The following SGCG variants were observed in gnomAD, a reference collection of about 807,000 sequenced individuals.
SGCG encodes the protein sarcoglycan gamma, also known as gamma-sarcoglycan.
SGCG carries 26 observed loss-of-function variants against 29.3 expected under a neutral mutation model. The ratio of observed to expected loss-of-function variants is 0.89; its 90% confidence interval spans 0.65 to 1.23. The LOEUF (loss-of-function observed/expected upper bound fraction) is 1.23, where lower values mean the gene tolerates loss of function less well. Among genes scored for constraint, SGCG ranks in the 50% most tolerant of loss-of-function variants. The probability of loss-of-function intolerance (pLI) is 0.00; values close to 1 mark genes in which losing one functional copy is unlikely to be tolerated. For synonymous variants in SGCG, 145 were observed against 129.7 expected (o/e 1.12, Z -0.80); for missense variants, 353 against 356.0 (o/e 0.99, Z 0.07).
intron 6 of SGCG, among the ~76,000 whole-genome samples, chr13:23,316,290 A>G (rs750639512): frequency 1.3e-5 from 2 of 152,238 alleles, no homozygotes; most frequent in East Asian, 1.9e-4. Context: ...CCTGCATGCA[A>G]TGTTTCTGCC....
intron 3 of SGCG, among the ~76,000 whole-genome samples, chr13:23,235,926 C>G (rs1879290716): frequency 6.6e-6 from 1 of 152,206 alleles, no homozygotes. Flanking sequence ...TCGCCAAGCT[C>G]TGTTACCAAT....
intron 5 of SGCG, among the ~76,000 whole-genome samples, chr13:23,294,408 G>T (rs539626574): frequency 1.1e-4 from 16 of 152,236 alleles, no homozygotes; most frequent in Admixed American, 1.0e-3. Context: ...GTTTATTCCT[G>T]GACACTCAGC....
intron 1 of SGCG, among the ~76,000 whole-genome samples, chr13:23,193,852 C>A (rs1430285175): frequency 6.6e-6 from 1 of 151,616 alleles, no homozygotes; most frequent in Non-Finnish European, 1.5e-5. Context: ...AGAGATGGTC[C>A]CAGAACAGTT....
chr13:23,171,140 T>A, the SGCG span, among the ~76,000 whole-genome samples: 1 of 152,204 alleles, frequency 6.6e-6, no homozygotes, highest in African/African-American at 2.4e-5. Flanking sequence ...TCATAAAGGC[T>A]ACATGTATCA....
chr13:23,320,888 G>A (rs1883011640), intron 7 of SGCG, 128 bp downstream of exon 7: 4 of 984,536 alleles, frequency 4.1e-6, no homozygotes, highest in South Asian at 4.0e-5. Flanking sequence ...TCATAGAGTA[G>A]CAAATGTACA....
chr13:23,200,703 GGT>G (rs1877709606), intron 1 of SGCG, among the ~76,000 whole-genome samples: 1 of 152,148 alleles, frequency 6.6e-6, no homozygotes, highest in African/African-American at 2.4e-5. Flanking sequence ...GGAGCTCTGT[GGT>G]GGTGTTGGTG....
At chr13:23,247,830 A>C (rs1181149782) in intron 3 of SGCG, among the ~76,000 whole-genome samples, 2 of 150,646 alleles carry the variant, frequency 1.3e-5, no homozygotes, top group Non-Finnish European at 3.0e-5. Context: ...ACACACCTGT[A>C]ATTCCAGCTA....
intron 1 of SGCG, among the ~76,000 whole-genome samples, chr13:23,198,623 G>A (rs1371351215): frequency 1.3e-5 from 2 of 152,112 alleles, no homozygotes; most frequent in East Asian, 3.9e-4. Flanking sequence ...GAGGTAGGCA[G>A]ATCACGAGAT....
intron 2 of SGCG, among the ~76,000 whole-genome samples, chr13:23,212,423 G>A (rs533625972): frequency 1.9e-4 from 23 of 119,824 alleles, no homozygotes; most frequent in Middle Eastern, 5.4e-3. Context: ...TGCTAACCCC[G>A]TAGGATCATG....
the SGCG span, among the ~76,000 whole-genome samples, chr13:23,166,333 C>CT: frequency 2.0e-5 from 3 of 152,028 alleles, no homozygotes; most frequent in Admixed American, 1.3e-4. Flanking sequence ...GTAGCTGGGA[C>CT]TACAGGCACA....
chr13:23,299,425 TATATATATATATATA>T (rs1882038345), intron 6 of SGCG, among the ~76,000 whole-genome samples: 1 of 6,118 alleles, frequency 1.6e-4, no homozygotes, highest in African/African-American at 3.7e-4. Flanking sequence ...TATATATATA[TATATATATATATATA>T]TATATATATA....
chr13:23,285,226 G>A (rs886697305), intron 5 of SGCG, among the ~76,000 whole-genome samples: 8 of 152,202 alleles, frequency 5.3e-5, no homozygotes, highest in African/African-American at 1.9e-4. Context: ...CCTTCCCCCA[G>A]GTGCTGTCCC....
chr13:23,297,547 A>G (rs1370505623), intron 6 of SGCG, among the ~76,000 whole-genome samples: 1 of 152,246 alleles, frequency 6.6e-6, no homozygotes. Context: ...CAGCAGGAGC[A>G]TGTCCTTAAG....
At chr13:23,204,438 T>G (rs1281702621) in intron 2 of SGCG, among the ~76,000 whole-genome samples, 2 of 152,176 alleles carry the variant, frequency 1.3e-5, no homozygotes, top group Non-Finnish European at 2.9e-5. Context: ...TGATAATATT[T>G]TGTGTACTTT....
chr13:23,173,534 GAC>G, the SGCG span, among the ~76,000 whole-genome samples: 6 of 152,138 alleles, frequency 3.9e-5, no homozygotes, highest in African/African-American at 1.4e-4. Flanking sequence ...TCTATATCCA[GAC>G]TTCTGATGTT....
chr13:23,276,909 C>T (rs1390364880), intron 4 of SGCG, among the ~76,000 whole-genome samples: 1 of 152,216 alleles, frequency 6.6e-6, no homozygotes, highest in Non-Finnish European at 1.5e-5. Flanking sequence ...TAGTGAACCA[C>T]AGAATTCTTT....
At chr13:23,287,836 C>A (rs35609493) in intron 5 of SGCG, among the ~76,000 whole-genome samples, 17,044 of 152,050 alleles carry the variant, frequency 0.11, 1,188 homozygotes, top group African/African-American at 0.18. Context: ...CTCACTGCAA[C>A]CTTTGCCTCC....
At chr13:23,207,101 T>C (rs1021167702) in intron 2 of SGCG, among the ~76,000 whole-genome samples, 5 of 152,178 alleles carry the variant, frequency 3.3e-5, no homozygotes, top group South Asian at 2.1e-4. Context: ...AACAGTATGG[T>C]ACTGGCATAA....
the SGCG span, among the ~76,000 whole-genome samples, chr13:23,166,288 C>G: frequency 6.6e-6 from 1 of 152,056 alleles, no homozygotes; most frequent in Non-Finnish European, 1.5e-5. Context: ...ATCCGCCTCC[C>G]GAGTTCAAGT....
Sources: gnomAD v4.1 joint callset for allele counts (sites outside exome capture counted in the v4.1 genomes callset) on GRCh38, gnomAD v4.1.1 for gene constraint, MANE v1.5 for transcripts, NCBI Gene and HGNC (gene_info 2026-07-23, HGNC 2026-07-21) for gene names.